ENTHD1: variants seen among roughly 807,000 people sequenced by gnomAD.
ENTHD1 encodes ENTH domain containing 1.
A neutral mutation model predicts 39.1 loss-of-function variants in ENTHD1; 23 were observed. The ratio of observed to expected loss-of-function variants is 0.59; its 90% CI spans 0.42 to 0.83. The LOEUF (loss-of-function observed/expected upper bound fraction) is 0.83, where lower values mean the gene tolerates loss of function less well. Among genes scored for constraint, ENTHD1 ranks in the 40% least tolerant of loss-of-function variants. The pLI, the probability that ENTHD1 is intolerant of heterozygous loss-of-function variation, is 0.00. For synonymous variants in ENTHD1, 230 were observed against 258.2 expected, an observed-to-expected ratio of 0.89 and a Z score of 1.05; for missense variants, 624 against 705.4, an observed-to-expected ratio of 0.88 and a Z score of 1.31.
intron 3 of ENTHD1, among the ~76,000 whole-genome samples, chr22:39,846,696 G>GA (rs919698047): frequency 2.0e-5 from 3 of 151,874 alleles, no homozygotes; most frequent in South Asian, 2.1e-4. Context: ...AAATTTACAA[G>GA]AAAAAAACAA....
intron 6 of ENTHD1, among the ~76,000 whole-genome samples, chr22:39,746,141 G>A (rs2076562703): frequency 6.6e-6 from 1 of 151,990 alleles, no homozygotes; most frequent in Non-Finnish European, 1.5e-5. Flanking sequence ...ACCTCCTCTT[G>A]TCAGATGTTA....
chr22:39,889,866 G>T lies in ENTHD1; in HGVS notation c.-155-1963C>A, dbSNP rs550925120. On this transcript the variant is annotated intron_variant, in intron 1 of 6. Coordinates refer to ENST00000325157, the MANE Select transcript of ENTHD1 (RefSeq NM_152512.4). ...AATCCTAGCACTTTGGGAGGCTGCC[G>T]CGGGCAGATCACCTGAGCTCAGGAG... 2.0e-5 allele frequency among the ~76,000 whole-genome samples: 3 copies of T among 152,156 alleles called. No homozygotes were observed. In the South Asian group the frequency reaches 6.2e-4, roughly 32 times the overall value.
intron 2 of ENTHD1, among the ~76,000 whole-genome samples, chr22:39,879,329 G>A (rs1601665393): frequency 1.3e-5 from 2 of 151,608 alleles, no homozygotes; most frequent in South Asian, 4.2e-4. Flanking sequence ...TCGGTGTGGT[G>A]GTGGGTACCT....
intron 5 of ENTHD1, 89 bp downstream of exon 5, chr22:39,820,904 C>T: frequency 2.1e-6 from 3 of 1,436,656 alleles, no homozygotes; most frequent in Non-Finnish European, 2.9e-6. Context: ...TTCTGTCCCT[C>T]ATTAACAAAG....
chr22:39,816,040 TG>T (rs990574289), intron 5 of ENTHD1, among the ~76,000 whole-genome samples: 2 of 151,990 alleles, frequency 1.3e-5, no homozygotes, highest in African/African-American at 4.8e-5. Context: ...CTAGTGCTAG[TG>T]GGGGTGTGAG....
At chr22:39,886,053 A>G (rs945858541) in intron 2 of ENTHD1, among the ~76,000 whole-genome samples, 28 of 141,150 alleles carry the variant, frequency 2.0e-4, no homozygotes, top group African/African-American at 7.8e-4. Flanking sequence ...TTATATCTCA[A>G]TAAAGTTTTT....
Position 39,879,100 on chromosome 22 carries a change from AAACTC to A in ENTHD1, c.349+8295_349+8299del, listed in dbSNP as rs951010085. Among the ~76,000 whole-genome samples the A allele has an allele frequency of 2.6e-5, 4 of 152,100 alleles. No homozygotes were observed. The South Asian group carries it at 8.3e-4, about 31-fold the overall frequency. ...ATCTGAAATATACACAGAATTCTTA[AAACTC>A]AACAGTAAAAACAAACAACCTGACT... On this transcript the variant is annotated intron_variant, in intron 2 of 6. Transcript: ENST00000325157.
At chr22:39,889,337 C>T (rs1198416105) in intron 1 of ENTHD1, among the ~76,000 whole-genome samples, 1 of 152,158 alleles carries the variant, frequency 6.6e-6, no homozygotes. Context: ...CCAAACTTTA[C>T]ATAATGCTTG....
intron 6 of ENTHD1, among the ~76,000 whole-genome samples, chr22:39,748,431 T>C (rs557594971): frequency 1.3e-5 from 2 of 152,142 alleles, no homozygotes; most frequent in South Asian, 4.2e-4. Flanking sequence ...TCTTTTCTTT[T>C]TTTTTTTTGA....
chr22:39,822,685 T>C (rs1458665351), intron 4 of ENTHD1, among the ~76,000 whole-genome samples: 1 of 152,240 alleles, frequency 6.6e-6, no homozygotes, highest in Non-Finnish European at 1.5e-5. Context: ...AACATTCTTG[T>C]ATAAATCTTT....
At chr22:39,820,226 A>G (rs2065771875) in intron 5 of ENTHD1, among the ~76,000 whole-genome samples, 1 of 152,174 alleles carries the variant, frequency 6.6e-6, no homozygotes, top group South Asian at 2.1e-4. Context: ...TAAGGAGAAA[A>G]TGTGAGATGC....
intron 2 of ENTHD1, chr22:39,875,481 T>C (rs2066281114): frequency 1.3e-6 from 2 of 1,561,880 alleles, no homozygotes; most frequent in South Asian, 2.4e-5. Flanking sequence ...CGCCGGCCTT[T>C]GGTCGCCTCC....
At chr22:39,860,676 C>T (rs950940059) in intron 3 of ENTHD1, among the ~76,000 whole-genome samples, 2 of 152,182 alleles carry the variant, frequency 1.3e-5, no homozygotes, top group Non-Finnish European at 2.9e-5. Flanking sequence ...TACATTTTTG[C>T]ACTTAACTGA....
rs775342262 is a variant in ENTHD1 at position 39,743,826 on chromosome 22, G to A, written c.1677C>T (p.Ile559=). Residue 559 remains isoleucine, a synonymous_variant, in exon 7 of 7, where the codon ATC becomes ATT. Coordinates refer to ENST00000325157, the MANE Select transcript of ENTHD1 (RefSeq NM_152512.4). ...TGCTCAGATCTTCATGTAATCTAGC[G>A]ATCGCACGTTTTACCTCCCTTAAAA... is the stretch of plus-strand genomic sequence containing the variant. ...SVLLREVKRA[I]ARLHEDLSTV... is the part of the protein sequence containing the mutation. 4.3e-6 allele frequency: 7 copies of A among 1,614,048 alleles called. No homozygotes were observed. Among genetic ancestry groups the A allele is most frequent in the East Asian group, 2.2e-5 (1 of 44,876 alleles).
At chr22:39,889,120 T>C (rs553293975) in intron 1 of ENTHD1, among the ~76,000 whole-genome samples, 27 of 152,272 alleles carry the variant, frequency 1.8e-4, no homozygotes, top group African/African-American at 6.0e-4. Context: ...ATAAGCCTGG[T>C]AAATTAGAGG....
chr22:39,833,622 G>T (rs937098331), intron 4 of ENTHD1, among the ~76,000 whole-genome samples: 10 of 151,808 alleles, frequency 6.6e-5, no homozygotes, highest in African/African-American at 2.4e-4. Context: ...TACTAAGCTG[G>T]AAGATCAAAT....
chr22:39,760,170 A>T (rs1486207899), intron 6 of ENTHD1, among the ~76,000 whole-genome samples: 1 of 152,058 alleles, frequency 6.6e-6, no homozygotes. Context: ...ATAGTTATTC[A>T]TACTTTCTAC....
chr22:39,857,666 G>T (rs563567450), intron 3 of ENTHD1, among the ~76,000 whole-genome samples: 1 of 151,948 alleles, frequency 6.6e-6, no homozygotes, highest in Non-Finnish European at 1.5e-5. Flanking sequence ...AAGATACTGC[G>T]GTGGGCTGGG....
intron 6 of ENTHD1, among the ~76,000 whole-genome samples, chr22:39,751,453 G>A (rs1001362613): frequency 5.3e-5 from 8 of 152,218 alleles, no homozygotes; most frequent in African/African-American, 1.9e-4. Context: ...AAGAAGACTT[G>A]TCTCTGGTTT....
Sources: allele counts gnomAD v4.1 joint callset (sites outside exome capture counted in the v4.1 genomes callset), GRCh38; gene constraint gnomAD v4.1.1; transcripts MANE v1.5; gene names NCBI Gene and HGNC (gene_info 2026-07-23, HGNC 2026-07-21).